The following SGCZ variants were observed in gnomAD, a reference collection of about 807,000 sequenced individuals.
SGCZ encodes the protein sarcoglycan zeta, also known as zeta-sarcoglycan.
SGCZ carries 40 observed loss-of-function variants against 41.3 expected under a neutral mutation model. The observed-to-expected ratio is 0.97, with a 90% CI of 0.75 to 1.26. SGCZ has a LOEUF of 1.26. SGCZ is among the 50% of genes most tolerant of loss of function. The probability of loss-of-function intolerance (pLI) is 0.00; values close to 1 mark genes in which losing one functional copy is unlikely to be tolerated. For missense variants in SGCZ, 552 were observed against 369.8 expected (o/e 1.49, Z -4.04); for synonymous variants, 206 against 137.5 (o/e 1.50, Z -3.49).
intron 1 of SGCZ, among the ~76,000 whole-genome samples, chr8:14,779,394 G>A (rs1180008504): frequency 1.3e-5 from 2 of 152,238 alleles, no homozygotes; most frequent in East Asian, 1.9e-4. Context: ...AGATGAGTAT[G>A]CCCTTTGAAA....
At chr8:15,054,611 A>G (rs1804636636) in intron 1 of SGCZ, among the ~76,000 whole-genome samples, 1 of 152,144 alleles carries the variant, frequency 6.6e-6, no homozygotes. Context: ...TGTTAGCTCT[A>G]CCATTCACTA....
At chr8:15,165,757 G>C (rs1405686697) in intron 1 of SGCZ, among the ~76,000 whole-genome samples, 2 of 152,224 alleles carry the variant, frequency 1.3e-5, no homozygotes, top group East Asian at 1.9e-4. Context: ...AGTATTTTGA[G>C]TTAGGAAAAA....
At chr8:14,949,165 CTAAGTGTTTT>C (rs1800549330) in intron 1 of SGCZ, among the ~76,000 whole-genome samples, 1 of 152,064 alleles carries the variant, frequency 6.6e-6, no homozygotes, top group African/African-American at 2.4e-5. Flanking sequence ...AGTATATATA[CTAAGTGTTTT>C]AGCTGGAAGC....
chr8:14,440,737 ATG>A (rs1800231387), intron 2 of SGCZ, among the ~76,000 whole-genome samples: 2 of 146,704 alleles, frequency 1.4e-5, no homozygotes, highest in African/African-American at 5.1e-5. Context: ...ATATGTATAT[ATG>A]TATATACATA....
In SGCZ at chr8:14,362,611, T is replaced by G. The variant is rs186543683; in HGVS notation, c.235-38407A>C. ...CAGGTACAGTCTGTCACAGCTTCCC[T>G]TGGGTAGGAAAGGGAAATCCCCAGA... On this transcript the variant is annotated intron_variant, in intron 2 of 7. Coordinates refer to ENST00000382080, the MANE Select transcript of SGCZ (RefSeq NM_139167.4). Among the ~76,000 whole-genome samples the G allele has an allele frequency of 1.6e-3, 248 of 152,200 alleles. 1 individual carries two copies. Among genetic ancestry groups the G allele is most frequent in the African/African-American group, 5.6e-3 (234 of 41,556 alleles).
chr8:15,184,311 G>A (rs1378852360), intron 1 of SGCZ, among the ~76,000 whole-genome samples: 1 of 152,116 alleles, frequency 6.6e-6, no homozygotes, highest in African/African-American at 2.4e-5. Flanking sequence ...GTGCATGTTA[G>A]TTGTAGTTAG....
At chr8:14,532,367 G>T (rs1389666748) in intron 2 of SGCZ, among the ~76,000 whole-genome samples, 2 of 152,048 alleles carry the variant, frequency 1.3e-5, no homozygotes, top group Non-Finnish European at 2.9e-5. Context: ...TTAGCAGGTA[G>T]AAAGTGGATA....
At chr8:14,497,921 C>A (rs191127101) in intron 2 of SGCZ, among the ~76,000 whole-genome samples, 3 of 152,152 alleles carry the variant, frequency 2.0e-5, no homozygotes, top group South Asian at 2.1e-4. Context: ...TGTTTACAAC[C>A]ATTTACTTTC....
At chr8:14,434,843 C>T (rs190954957) in intron 2 of SGCZ, among the ~76,000 whole-genome samples, 95 of 152,190 alleles carry the variant, frequency 6.2e-4, no homozygotes, top group African/African-American at 2.2e-3. Context: ...GTAGGACAAT[C>T]GCTTGAGCCT....
chr8:15,036,490 C>T (rs1269336498), intron 1 of SGCZ, among the ~76,000 whole-genome samples: 1 of 151,948 alleles, frequency 6.6e-6, no homozygotes, highest in African/African-American at 2.4e-5. Context: ...ATAATCAGTA[C>T]AACAAACCCC....
chr8:14,367,817 C>G (rs908456656), intron 2 of SGCZ, among the ~76,000 whole-genome samples: 1 of 152,052 alleles, frequency 6.6e-6, no homozygotes, highest in Non-Finnish European at 1.5e-5. Flanking sequence ...TCGAGACACA[C>G]TAATCATGTC....
At chr8:14,813,013 G>T (rs28539611) in intron 1 of SGCZ, among the ~76,000 whole-genome samples, 9,944 of 152,124 alleles carry the variant, frequency 0.065, 1,049 homozygotes, top group African/African-American at 0.22. Context: ...AATCTGAAGA[G>T]AGTCTAAAAT....
At chr8:14,332,295 G>A (rs1368800714) in intron 2 of SGCZ, among the ~76,000 whole-genome samples, 1 of 151,994 alleles carries the variant, frequency 6.6e-6, no homozygotes, top group East Asian at 1.9e-4. Context: ...AAAAAAATTA[G>A]TCGGGCGTGG....
chr8:14,276,117 C>G (rs1365641), intron 3 of SGCZ, among the ~76,000 whole-genome samples: 22,056 of 152,120 alleles, frequency 0.14, 1,785 homozygotes, highest in Admixed American at 0.22. Context: ...AATGATCGCT[C>G]TAAACATTCT....
chr8:14,751,654 C>A (rs1417559001), intron 1 of SGCZ, among the ~76,000 whole-genome samples: 2 of 152,078 alleles, frequency 1.3e-5, no homozygotes, highest in African/African-American at 4.8e-5. Flanking sequence ...GCATTTAAAA[C>A]CTGAGAGGAT....
At chr8:14,520,933 C>T (rs1012069272) in intron 2 of SGCZ, among the ~76,000 whole-genome samples, 1 of 152,114 alleles carries the variant, frequency 6.6e-6, no homozygotes, top group Non-Finnish European at 1.5e-5. Context: ...AATCACTAAT[C>T]TTAGCAATAG....
intron 7 of SGCZ, among the ~76,000 whole-genome samples, chr8:14,097,637 T>C (rs1801886112): frequency 6.6e-6 from 1 of 152,190 alleles, no homozygotes; most frequent in Admixed American, 6.5e-5. Flanking sequence ...ATGTCCTGGA[T>C]ATCCTTGTTA....
At chr8:14,167,347 C>G (rs1804241492) in intron 4 of SGCZ, among the ~76,000 whole-genome samples, 2 of 152,218 alleles carry the variant, frequency 1.3e-5, no homozygotes, top group South Asian at 4.1e-4. Context: ...AATGATGCTG[C>G]CAGTGTTGCA....
At chr8:14,975,142 T>G (rs963906179) in intron 1 of SGCZ, among the ~76,000 whole-genome samples, 2 of 152,046 alleles carry the variant, frequency 1.3e-5, no homozygotes, top group Non-Finnish European at 2.9e-5. Flanking sequence ...GCGTCTCTAC[T>G]AAAAATACAA....
Sources: gnomAD v4.1 joint callset for allele counts (sites outside exome capture counted in the v4.1 genomes callset) on GRCh38, gnomAD v4.1.1 for gene constraint, MANE v1.5 for transcripts, NCBI Gene and HGNC (gene_info 2026-07-23, HGNC 2026-07-21) for gene names.